The following PCDHGB5 variants were observed in gnomAD, a reference collection of about 807,000 sequenced individuals.
PCDHGB5 encodes protocadherin gamma-B5.
Under a neutral mutation model 62.9 loss-of-function variants are expected in PCDHGB5, and 48 were observed. The observed-to-expected ratio is 0.76, with a 90% CI of 0.61 to 0.97. The LOEUF (loss-of-function observed/expected upper bound fraction) is 0.97, where lower values mean the gene tolerates loss of function less well. PCDHGB5 is among the 50% of genes least tolerant of loss of function. PCDHGB5 has a pLI of 0.00. For synonymous variants in PCDHGB5, 474 were observed against 511.2 expected (o/e 0.93, Z 0.98); for missense variants, 1,118 against 1,198.6 (o/e 0.93, Z 0.99).
chr5:141,407,661 T>G (rs964293417), intron 1 of PCDHGB5, among the ~76,000 whole-genome samples: 13 of 152,164 alleles, frequency 8.5e-5, no homozygotes, highest in African/African-American at 2.7e-4. Flanking sequence ...GAGCGCAGTA[T>G]ATATTAAACA....
In PCDHGB5 at chr5:141,399,082, G is replaced by A; in HGVS notation, c.955G>A (p.Asp319Asn). 6.2e-7 allele frequency: 1 copy of A among 1,613,822 alleles called. No homozygotes were observed. The highest frequency in any genetic ancestry group is 2.2e-5 in the East Asian group (1 of 44,892). ...ATATTCAATGGTTGTAGAAGGGAGG[G>A]ATGGTGGTGGACTGGTTGCACAATG... ...KEYSMVVEGRDGGGLVAQCTV... is the reference protein window; with the variant it reads ...KEYSMVVEGRNGGGLVAQCTV... The change falls in exon 1 of 4, where the codon GAT becomes AAT. Residue 319 changes from aspartate (D) to asparagine (N), a missense_variant. Physicochemically the swap from Asp to Asn is conservative, Grantham distance 23. This residue lies in a region of PCDHGB5 where 1,034 missense variants were observed against 1,029.1 expected (regional missense o/e 1.00). Coordinates refer to ENST00000617380, the MANE Select transcript of PCDHGB5 (RefSeq NM_018925.3).
chr5:141,441,623 C>T (rs530409184), intron 1 of PCDHGB5: 2 of 224,422 alleles, frequency 8.9e-6, no homozygotes, highest in Non-Finnish European at 1.8e-5. Flanking sequence ...TGGCCAGTGA[C>T]CTGGAGCCAC....
chr5:141,477,219 G>A lies in PCDHGB5; in HGVS notation c.2398-17588G>A. ...CCAGTACCCGAGGATGCCCCTCTGG[G>A]GACTGTCATCGCTTTGCTCAGTGTG... On this transcript the variant is annotated intron_variant, in intron 1 of 3. Coordinates refer to ENST00000617380, the MANE Select transcript of PCDHGB5 (RefSeq NM_018925.3). The surrounding 1 kb of genome is among the most constrained non-coding windows in gnomAD (Gnocchi z 4.9). 1 of 1,614,162 alleles carries A rather than the reference G, an allele frequency of 6.2e-7. No homozygotes were observed. The highest frequency in any genetic ancestry group is 8.5e-7 in the Non-Finnish European group (1 of 1,180,038).
intron 1 of PCDHGB5, chr5:141,420,202 C>G: frequency 1.2e-6 from 2 of 1,613,256 alleles, no homozygotes; most frequent in Non-Finnish European, 1.7e-6. Context: ...AAGATAACCT[C>G]AACAAAGATA....
intron 1 of PCDHGB5, chr5:141,403,277 C>G (rs2094385466): frequency 6.2e-7 from 1 of 1,613,750 alleles, no homozygotes; most frequent in Admixed American, 1.7e-5. Context: ...CTTTAAAGTC[C>G]TGGTTGAAGA....
In PCDHGB5 at chr5:141,432,845, G is replaced by A. The variant is rs1299464282; in HGVS notation, c.2397+32321G>A. The A allele has an allele frequency of 1.2e-6, 2 of 1,614,076 alleles. No individual in the cohort carries two copies. The highest frequency in any genetic ancestry group is 8.5e-7 in the Non-Finnish European group (1 of 1,180,024). ...AGACCTCACTCTGTACCTGGTGGTA[G>A]CGGTGGCCGCGGTCTCCTGCGTCTT... On this transcript the variant is annotated intron_variant, in intron 1 of 3. Coordinates refer to ENST00000617380, the MANE Select transcript of PCDHGB5 (RefSeq NM_018925.3). This position sits in a 1 kb window ranked among gnomAD's most constrained non-coding sequence, Gnocchi z 6.0.
chr5:141,415,982 T>A lies in PCDHGB5; in HGVS notation c.2397+15458T>A, dbSNP rs531852883. The A allele has an allele frequency of 1.9e-4, 66 of 342,492 alleles. 1 individual carries two copies. Among genetic ancestry groups the A allele is most frequent in the African/African-American group, 1.3e-3 (59 of 46,668 alleles). 21.2% of individuals were successfully genotyped at this position (342,492 alleles called of 1,614,324 possible). A position where few individuals can be genotyped will look rare whatever the true frequency, so the allele number is the denominator to read the frequency against. ...AACTCCAGCCCCTTAAGCAACCCTC[T>A]TGTTCTGAAGGCAGGTCTGGTAAGA... On this transcript the variant is annotated intron_variant, in intron 1 of 3. Transcript: ENST00000617380.
At chr5:141,468,822 A>C (rs867400152) in intron 1 of PCDHGB5, among the ~76,000 whole-genome samples, 4 of 151,874 alleles carry the variant, frequency 2.6e-5, no homozygotes, top group Middle Eastern at 3.4e-3. Context: ...GCCAAGATCA[A>C]GCCACTGCAC....
intron 1 of PCDHGB5, chr5:141,418,292 T>A: frequency 6.2e-7 from 1 of 1,613,988 alleles, no homozygotes. Context: ...AATCAGTGAA[T>A]CCGTCAGCCT....
chr5:141,486,522 A>G lies in PCDHGB5; in HGVS notation c.2398-8285A>G. 1 of 1,614,174 alleles carries G rather than the reference A, an allele frequency of 6.2e-7. No homozygotes were observed. Among genetic ancestry groups the G allele is most frequent in the Non-Finnish European group, 8.5e-7 (1 of 1,180,024 alleles). On this transcript the variant is annotated intron_variant, in intron 1 of 3. Transcript: ENST00000617380. The surrounding 1 kb of genome is among the most constrained non-coding windows in gnomAD (Gnocchi z 5.0). The stretch of plus-strand genomic sequence containing the variant: ...TTCCTCAATATTTCAGATGTGAATG[A>G]TAATCCACCCTCTTTCTTTCAGAGG...
intron 1 of PCDHGB5, among the ~76,000 whole-genome samples, chr5:141,401,114 CG>C (rs566829189): frequency 5.5e-4 from 84 of 152,224 alleles, no homozygotes; most frequent in African/African-American, 2.0e-3. Context: ...GAGGCCGAGG[CG>C]GTTGGATCAC....
At position 141,481,719 on chromosome 5, in the gene PCDHGB5, G is replaced by A. The variant is rs1055207250; in HGVS notation, c.2398-13088G>A. On this transcript the variant is annotated intron_variant, in intron 1 of 3. Coordinates refer to ENST00000617380, the MANE Select transcript of PCDHGB5 (RefSeq NM_018925.3). ...CTGTAATCCCAGCACTTTGGGAGGC[G>A]GAGGCGGGCGGATCACGAGGTCAGG... 5.3e-5 allele frequency among the ~76,000 whole-genome samples: 8 copies of A among 151,716 alleles called. No homozygotes were observed. In the East Asian group the frequency reaches 9.7e-4, roughly 18 times the overall value.
intron 1 of PCDHGB5, chr5:141,442,062 G>A (rs1001398926): frequency 7.0e-5 from 13 of 185,900 alleles, no homozygotes; most frequent in Admixed American, 1.3e-4. Context: ...GGTGCACTGC[G>A]GTGGACAGCC....
intron 1 of PCDHGB5, chr5:141,419,521 C>T (rs1418329404): frequency 1.2e-6 from 2 of 1,612,122 alleles, no homozygotes; most frequent in East Asian, 2.2e-5. Context: ...TGGTGGGCGA[C>T]CGTAACGACA....
chr5:141,406,186 C>T (rs1263856724), intron 1 of PCDHGB5, among the ~76,000 whole-genome samples: 2 of 151,978 alleles, frequency 1.3e-5, no homozygotes, highest in South Asian at 2.1e-4. Context: ...AATCCTCCCA[C>T]CTCAGCCTTC....
At position 141,398,830 on chromosome 5, in the gene PCDHGB5, G is replaced by A; in HGVS notation, c.703G>A (p.Ala235Thr). 6.2e-7 allele frequency: 1 copy of A among 1,613,946 alleles called. No individual in the cohort carries two copies. The highest frequency in any genetic ancestry group is 8.5e-7 in the Non-Finnish European group (1 of 1,179,896). ...TGAGCTCCGGATCCAGGTAACCGAC[G>A]CCAATGATAATCCCCCGGTATTCAA... is the stretch of plus-strand genomic sequence containing the variant. ...TTELRIQVTD[A>T]NDNPPVFNRD... is the part of the protein sequence containing the mutation. Residue 235 changes from alanine to threonine, a missense_variant, in exon 1 of 4, where the codon GCC becomes ACC. Ala to Thr is a moderately conservative substitution (Grantham distance 58, BLOSUM62 0). This residue lies in a region of PCDHGB5 where 1,034 missense variants were observed against 1,029.1 expected (regional missense o/e 1.00). Transcript: ENST00000617380.
intron 1 of PCDHGB5, among the ~76,000 whole-genome samples, chr5:141,474,263 A>C (rs964712807): frequency 6.6e-6 from 1 of 152,188 alleles, no homozygotes; most frequent in Non-Finnish European, 1.5e-5. Context: ...CTGATAAACC[A>C]GTGTATCTCT....
Position 141,487,418 on chromosome 5 carries a change from A to T in PCDHGB5, c.2398-7389A>T. ...GGAGGGGCTTCCCCCTTCCAATGGG[A>T]TCCTCCGAATCCAGCTAGGGTCAGA... On this transcript the variant is annotated intron_variant, in intron 1 of 3. Transcript: ENST00000617380. The surrounding 1 kb of genome is among the most constrained non-coding windows in gnomAD (Gnocchi z 5.0). The T allele has an allele frequency of 6.2e-7, 1 of 1,614,060 alleles. No homozygotes were observed. The highest frequency in any genetic ancestry group is 8.5e-7 in the Non-Finnish European group (1 of 1,179,998).
At chr5:141,437,426 C>G (rs531265278) in intron 1 of PCDHGB5, among the ~76,000 whole-genome samples, 2 of 152,150 alleles carry the variant, frequency 1.3e-5, no homozygotes, top group Non-Finnish European at 2.9e-5. Context: ...CTTTTTGAAG[C>G]AGCAATAGCA....
Sources: gnomAD v4.1 joint callset for allele counts (sites outside exome capture counted in the v4.1 genomes callset) on GRCh38, gnomAD v4.1.1 for gene constraint, gnomAD v4.1.1 regional missense constraint, Gnocchi (gnomAD v3.1) non-coding constraint, MANE v1.5 for transcripts, NCBI Gene and HGNC (gene_info 2026-07-23, HGNC 2026-07-21) for gene names.